The following CD109 variants were observed in gnomAD, a reference collection of about 807,000 sequenced individuals.
The protein encoded by CD109 is CD109 antigen.
A neutral mutation model predicts 165.8 loss-of-function variants in CD109; 149 were observed. That is an observed-to-expected ratio of 0.90 (90% CI 0.79 to 1.03). CD109 has a LOEUF of 1.03. Among genes scored for constraint, CD109 ranks in the 50% least tolerant of loss-of-function variants. The pLI, the probability that CD109 is intolerant of heterozygous loss-of-function variation, is 0.00. For synonymous variants in CD109, 585 were observed against 592.1 expected, an observed-to-expected ratio of 0.99 and a Z score of 0.18; for missense variants, 1,712 against 1,677.8, an observed-to-expected ratio of 1.02 and a Z score of -0.36.
intron 18 of CD109, among the ~76,000 whole-genome samples, chr6:73,783,235 T>C (rs1159405856): frequency 6.6e-6 from 1 of 152,202 alleles, no homozygotes; most frequent in Non-Finnish European, 1.5e-5. Context: ...GGCCTGATAA[T>C]TGAGCAGGTA....
intron 2 of CD109, among the ~76,000 whole-genome samples, chr6:73,698,044 C>T (rs191252120): frequency 2.0e-4 from 31 of 152,154 alleles, no homozygotes; most frequent in African/African-American, 6.0e-4. Context: ...CAGAATAGGC[C>T]TGTAGGAAGG....
chr6:73,706,530 C>T (rs897088402), intron 2 of CD109, among the ~76,000 whole-genome samples: 2 of 152,172 alleles, frequency 1.3e-5, no homozygotes, highest in African/African-American at 2.4e-5. Flanking sequence ...GACCAAGGTG[C>T]AATGATAAAA....
At chr6:73,798,209 G>C (rs1775239205) in intron 23 of CD109, among the ~76,000 whole-genome samples, 1 of 151,454 alleles carries the variant, frequency 6.6e-6, no homozygotes, top group Non-Finnish European at 1.5e-5. Flanking sequence ...CCGCCTCCCA[G>C]GTTCAAGCGA....
chr6:73,807,793 T>C (rs1562082044), intron 25 of CD109, among the ~76,000 whole-genome samples: 1 of 152,218 alleles, frequency 6.6e-6, no homozygotes, highest in South Asian at 2.1e-4. Flanking sequence ...GCTGTTCTTA[T>C]CTGAGTCTGT....
chr6:73,684,401 T>G, the CD109 span, among the ~76,000 whole-genome samples: 195 of 151,888 alleles, frequency 1.3e-3, 3 homozygotes, highest in African/African-American at 4.3e-3. Context: ...TGTATTTTTT[T>G]GGGGAGATGA....
chr6:73,772,618 A>G (rs1053781417), intron 15 of CD109, among the ~76,000 whole-genome samples: 1 of 152,054 alleles, frequency 6.6e-6, no homozygotes, highest in Non-Finnish European at 1.5e-5. Context: ...ACCAAGAAGT[A>G]TATGAACATC....
At chr6:73,820,733 T>C (rs1776079314) in intron 32 of CD109, among the ~76,000 whole-genome samples, 170 bp downstream of exon 32, 1 of 152,198 alleles carries the variant, frequency 6.6e-6, no homozygotes, top group African/African-American at 2.4e-5. Context: ...GTGAAGACTA[T>C]TGATAATTTA....
chr6:73,780,613 G>C (rs1207066929), intron 16 of CD109, 115 bp downstream of exon 16: 1 of 686,134 alleles, frequency 1.5e-6, no homozygotes, highest in Non-Finnish European at 2.5e-6. Context: ...TCACTGAAGC[G>C]CAGTCTTATG....
intron 6 of CD109, 29 bp from the exon 7 acceptor site, chr6:73,758,915 A>G: frequency 7.8e-7 from 1 of 1,286,440 alleles, no homozygotes; most frequent in Non-Finnish European, 1.1e-6. Context: ...AAAAAGAAAA[A>G]AAGATTTACC....
rs1398934151 is a variant in CD109 at position 73,763,664 on chromosome 6, A to G, written c.1086A>G (p.Pro362=). 2 of 1,579,936 alleles carry G rather than the reference A, an allele frequency of 1.3e-6. No individual in the cohort carries two copies. The highest frequency in any genetic ancestry group is 2.7e-5 in the African/African-American group (2 of 74,340). ...TTGATTATACTACTGTCTTGAAGCC[A>G]TCTCTCAACTTCACAGCCACTGTAA... ...EFFDYTTVLK[P]SLNFTATVKV... is the part of the protein sequence containing the mutation. The change falls in exon 10 of 33, where the codon CCA becomes CCG. Residue 362 remains proline, a synonymous_variant. Coordinates refer to ENST00000287097, the MANE Select transcript of CD109 (RefSeq NM_133493.5).
At chr6:73,752,262 A>G (rs1003934963) in intron 5 of CD109, among the ~76,000 whole-genome samples, 2 of 152,214 alleles carry the variant, frequency 1.3e-5, no homozygotes, top group East Asian at 3.9e-4. Flanking sequence ...GTAATATGCT[A>G]TATTTCTTCA....
rs191974011 is a variant in CD109 at position 73,799,909 on chromosome 6, T to C, written c.2879-3311T>C. Among the ~76,000 whole-genome samples the C allele has an allele frequency of 3.3e-3, 505 of 150,778 alleles. 3 individuals carry two copies. Among genetic ancestry groups the C allele is most frequent in the African/African-American group, 0.012 (500 of 40,898 alleles). ...GTGTCTCCCTTTGCCCAGGCTGAAG[T>C]GCAGTGGCACAATCATGGTTCACTG... On this transcript the variant is annotated intron_variant, in intron 23 of 32. Coordinates refer to ENST00000287097, the MANE Select transcript of CD109 (RefSeq NM_133493.5).
chr6:73,757,452 C>T (rs1252338912), intron 6 of CD109, among the ~76,000 whole-genome samples: 1 of 152,052 alleles, frequency 6.6e-6, no homozygotes, highest in Non-Finnish European at 1.5e-5. Context: ...ATTTGAATTT[C>T]ATATAATTTT....
At chr6:73,802,499 C>T (rs1447483591) in intron 23 of CD109, among the ~76,000 whole-genome samples, 1 of 151,478 alleles carries the variant, frequency 6.6e-6, no homozygotes, top group African/African-American at 2.4e-5. Context: ...TGGCCTTAAA[C>T]TTAAATTAAT....
chr6:73,802,758 A>G (rs1298652442), intron 23 of CD109, among the ~76,000 whole-genome samples: 1 of 148,508 alleles, frequency 6.7e-6, no homozygotes, highest in African/African-American at 2.5e-5. Flanking sequence ...GAGTGCAATG[A>G]CGCAAATCTC....
chr6:73,679,641 T>TG, the CD109 span, among the ~76,000 whole-genome samples: 1 of 151,880 alleles, frequency 6.6e-6, no homozygotes, highest in African/African-American at 2.4e-5. Context: ...TTTTTTTGTT[T>TG]TTTGTTTTTT....
intron 22 of CD109, among the ~76,000 whole-genome samples, chr6:73,791,202 T>TATATATATACACACATAC (rs1774948956): frequency 1.6e-5 from 2 of 123,574 alleles, no homozygotes; most frequent in African/African-American, 6.6e-5. Context: ...CATATATATA[T>TATATATATACACACATAC]ATATATATAT....
intron 24 of CD109, among the ~76,000 whole-genome samples, chr6:73,806,428 G>GT (rs1331786603): frequency 6.6e-6 from 1 of 152,040 alleles, no homozygotes; most frequent in East Asian, 1.9e-4. Context: ...GCGTTAATGG[G>GT]TGCAGCACAC....
rs774672922 is a variant in CD109, at chr6:73,783,765, G to T, written c.2164G>T (p.Ala722Ser). The stretch of plus-strand genomic sequence containing the variant: ...ACCTGATTCTATCACTTCTTGGGTG[G>T]CTACTGGTTTTGTGATCTCTGAGGA... ...TVPDSITSWV[A>S]TGFVISEDLG... Residue 722 changes from alanine to serine, a missense_variant, in exon 19 of 33, where the codon GCT becomes TCT. Transcript: ENST00000287097. 3 of 1,613,422 alleles carry T rather than the reference G, an allele frequency of 1.9e-6. No individual in the cohort carries two copies. Among genetic ancestry groups the T allele is most frequent in the East Asian group, 2.2e-5 (1 of 44,816 alleles).
Sources: allele counts gnomAD v4.1 joint callset (sites outside exome capture counted in the v4.1 genomes callset), GRCh38; gene constraint gnomAD v4.1.1; transcripts MANE v1.5; gene names NCBI Gene and HGNC (gene_info 2026-07-23, HGNC 2026-07-21).